VOPP1: variants seen among roughly 807,000 people sequenced by gnomAD.
The protein encoded by VOPP1 is WW domain binding protein VOPP1.
A neutral mutation model predicts 23.5 loss-of-function variants in VOPP1; 8 were observed. That is an observed-to-expected ratio of 0.34 (90% CI 0.20 to 0.61). The LOEUF is 0.61. VOPP1 is among the 20% of genes least tolerant of loss of function. VOPP1 has a pLI of 0.78. For synonymous variants in VOPP1, 83 were observed against 97.3 expected, an observed-to-expected ratio of 0.85 and a Z score of 0.86; for missense variants, 174 against 238.1, an observed-to-expected ratio of 0.73 and a Z score of 1.77.
chr7:55,464,361 G>A (rs994314114), intron 4 of VOPP1, among the ~76,000 whole-genome samples: 15 of 152,166 alleles, frequency 9.9e-5, no homozygotes, highest in Admixed American at 2.0e-4. Flanking sequence ...CTTGGGTGCC[G>A]GTGGTGGTGA....
At chr7:55,478,141 G>A (rs147704434) in intron 4 of VOPP1, among the ~76,000 whole-genome samples, 3 of 152,338 alleles carry the variant, frequency 2.0e-5, no homozygotes, top group Non-Finnish European at 4.4e-5. Context: ...CATGAAGCCT[G>A]CGGACAGAAG....
At chr7:55,520,696 G>C (rs1449922609) in intron 2 of VOPP1, among the ~76,000 whole-genome samples, 2 of 152,322 alleles carry the variant, frequency 1.3e-5, no homozygotes, top group East Asian at 3.9e-4. Context: ...CTCCGCTGAG[G>C]ACTGTTTCTT....
intron 1 of VOPP1, among the ~76,000 whole-genome samples, chr7:55,526,018 GA>G: frequency 6.6e-6 from 1 of 152,304 alleles, no homozygotes; most frequent in East Asian, 1.9e-4. Context: ...CAGTTTTCAG[GA>G]TGTTGTCCTG....
At chr7:55,493,377 G>C (rs1793717758) in intron 3 of VOPP1, among the ~76,000 whole-genome samples, 1 of 152,228 alleles carries the variant, frequency 6.6e-6, no homozygotes, top group Non-Finnish European at 1.5e-5. Flanking sequence ...TGTGAGGATG[G>C]GCACACAGCA....
intron 1 of VOPP1, among the ~76,000 whole-genome samples, chr7:55,543,542 G>C (rs1164215222): frequency 1.3e-5 from 2 of 152,184 alleles, no homozygotes; most frequent in Non-Finnish European, 2.9e-5. Flanking sequence ...TAGTGTTTGA[G>C]AGGTCCCCTT....
At chr7:55,558,716 T>G (rs1242470707) in intron 1 of VOPP1, among the ~76,000 whole-genome samples, 1 of 152,190 alleles carries the variant, frequency 6.6e-6, no homozygotes, top group African/African-American at 2.4e-5. Context: ...CCCAGGCTCC[T>G]TGCAGACAAA....
rs540890101 is a variant in VOPP1 at position 55,560,599 on chromosome 7, G to C, written c.54+11672C>G. ...ATGGTCCTGCTGACATTCTTGAATT[G>C]AGCCCACTGAGAGCCATTTAGGACT... is the stretch of plus-strand genomic sequence containing the variant. On this transcript the variant is annotated intron_variant, in intron 1 of 4. Coordinates refer to ENST00000285279, the MANE Select transcript of VOPP1 (RefSeq NM_030796.5). 5.9e-5 allele frequency among the ~76,000 whole-genome samples: 9 copies of C among 152,256 alleles called. No individual in the cohort carries two copies. The East Asian group carries it at 1.7e-3, about 29-fold the overall frequency.
In VOPP1 at chr7:55,499,147, G is replaced by A. The variant is rs77750880; in HGVS notation, c.114-1457C>T. Among the ~76,000 whole-genome samples the A allele has an allele frequency of 2.4e-3, 371 of 152,134 alleles. 2 individuals are homozygous for A. The highest frequency in any genetic ancestry group is 8.5e-3 in the African/African-American group (353 of 41,500). The stretch of plus-strand genomic sequence containing the variant: ...CTCCCACTGAGAGTTACCTAAATGA[G>A]TGCTCAAGAATGTTGCTGGTCCTGG... On this transcript the variant is annotated intron_variant, in intron 2 of 4. Coordinates refer to ENST00000285279, the MANE Select transcript of VOPP1 (RefSeq NM_030796.5).
chr7:55,449,175 T>C (rs1791177391), intron 4 of VOPP1, among the ~76,000 whole-genome samples: 1 of 152,172 alleles, frequency 6.6e-6, no homozygotes, highest in Admixed American at 6.5e-5. Flanking sequence ...GCTTGGCAGG[T>C]GTCCGCTCCC....
At chr7:55,437,817 TATTG>T (rs1350368223) in intron 4 of VOPP1, among the ~76,000 whole-genome samples, 1 of 152,178 alleles carries the variant, frequency 6.6e-6, no homozygotes, top group East Asian at 1.9e-4. Flanking sequence ...CCAGTCCTTC[TATTG>T]AATGTTTCAT....
chr7:55,450,247 G>A (rs1791209740), intron 4 of VOPP1, among the ~76,000 whole-genome samples: 2 of 152,140 alleles, frequency 1.3e-5, no homozygotes, highest in African/African-American at 4.8e-5. Flanking sequence ...ACCTGGGGGT[G>A]TTCTTGAGGT....
chr7:55,474,995 G>A (rs1315397995), intron 4 of VOPP1, among the ~76,000 whole-genome samples: 2 of 152,204 alleles, frequency 1.3e-5, no homozygotes, highest in Non-Finnish European at 2.9e-5. Context: ...TGGGGTTCCC[G>A]TGCTCTTTCT....
chr7:55,509,260 G>A (rs1794921606), intron 2 of VOPP1, among the ~76,000 whole-genome samples: 1 of 152,164 alleles, frequency 6.6e-6, no homozygotes, highest in Admixed American at 6.5e-5. Context: ...CATTCAGGCT[G>A]TTATAATAAA....
chr7:55,517,252 T>C (rs1223006731), intron 2 of VOPP1, among the ~76,000 whole-genome samples: 1 of 151,432 alleles, frequency 6.6e-6, no homozygotes, highest in East Asian at 1.9e-4. Flanking sequence ...CCCGGCCTAA[T>C]TTAAGTTTTT....
chr7:55,537,238 G>A (rs1044736405), intron 1 of VOPP1, among the ~76,000 whole-genome samples: 7 of 152,044 alleles, frequency 4.6e-5, no homozygotes, highest in African/African-American at 1.7e-4. Flanking sequence ...CACATATTTT[G>A]TACCCCGAAC....
At chr7:55,475,221 G>T (rs1792147599) in intron 4 of VOPP1, among the ~76,000 whole-genome samples, 1 of 152,202 alleles carries the variant, frequency 6.6e-6, no homozygotes, top group Non-Finnish European at 1.5e-5. Context: ...ACAGCTCGGT[G>T]AGGGTAATGG....
chr7:55,460,293 T>C (rs1258517666), intron 4 of VOPP1, among the ~76,000 whole-genome samples: 4 of 152,244 alleles, frequency 2.6e-5, no homozygotes, highest in Non-Finnish European at 4.4e-5. Context: ...ATATGGCCTA[T>C]CCTGGAGAAT....
intron 2 of VOPP1, among the ~76,000 whole-genome samples, chr7:55,510,013 C>T (rs1180793569): frequency 6.6e-6 from 1 of 152,138 alleles, no homozygotes; most frequent in East Asian, 1.9e-4. Flanking sequence ...TGTTCCTAGA[C>T]CAAAATGAGG....
At chr7:55,568,373 C>T (rs1244225073) in intron 1 of VOPP1, among the ~76,000 whole-genome samples, 1 of 152,214 alleles carries the variant, frequency 6.6e-6, no homozygotes, top group Admixed American at 6.5e-5. Context: ...CCGCACCCAG[C>T]CTGACAACTG....
Sources: gnomAD v4.1 joint callset for allele counts (sites outside exome capture counted in the v4.1 genomes callset) on GRCh38, gnomAD v4.1.1 for gene constraint, MANE v1.5 for transcripts, NCBI Gene and HGNC (gene_info 2026-07-23, HGNC 2026-07-21) for gene names.